The following STK32B variants were observed in gnomAD, a reference collection of about 807,000 sequenced individuals.
STK32B encodes the protein serine/threonine kinase 32B, also known as serine/threonine-protein kinase 32B.
STK32B carries 43 observed loss-of-function variants against 52.6 expected under a neutral mutation model. The ratio of observed to expected loss-of-function variants is 0.82; its 90% confidence interval spans 0.64 to 1.05. The LOEUF (loss-of-function observed/expected upper bound fraction) is 1.05, where lower values mean the gene tolerates loss of function less well. Ranked by LOEUF, STK32B falls within the 50% of genes least tolerant of loss-of-function variation. The pLI is 0.00. For synonymous variants in STK32B, 238 were observed against 204.3 expected (o/e 1.17, Z -1.41); for missense variants, 621 against 534.6 (o/e 1.16, Z -1.59).
chr4:5,245,878 T>C (rs2108824094), intron 3 of STK32B, among the ~76,000 whole-genome samples: 1 of 152,358 alleles, frequency 6.6e-6, no homozygotes, highest in South Asian at 2.1e-4. Flanking sequence ...AATTCTTTTC[T>C]TTAAGAATGT....
At chr4:5,201,002 A>G (rs916177195) in intron 3 of STK32B, among the ~76,000 whole-genome samples, 3 of 152,148 alleles carry the variant, frequency 2.0e-5, no homozygotes, top group Non-Finnish European at 4.4e-5. Flanking sequence ...GCCTCTCAGA[A>G]CCCTGTAAAT....
the STK32B span, among the ~76,000 whole-genome samples, chr4:5,033,045 C>T: frequency 6.6e-6 from 1 of 152,148 alleles, no homozygotes; most frequent in Non-Finnish European, 1.5e-5. Context: ...GAGGCTACTG[C>T]TGGTGTAAGG....
chr4:5,035,657 G>A, the STK32B span, among the ~76,000 whole-genome samples: 1 of 152,124 alleles, frequency 6.6e-6, no homozygotes, highest in African/African-American at 2.4e-5. Context: ...GCTGGGCGAT[G>A]GACTTCCCAG....
At chr4:5,340,079 A>G (rs73794572) in intron 4 of STK32B, among the ~76,000 whole-genome samples, 21 of 152,334 alleles carry the variant, frequency 1.4e-4, no homozygotes, top group Non-Finnish European at 2.6e-4. Context: ...TTTTAAAGCA[A>G]TTAGAAGATT....
intron 3 of STK32B, among the ~76,000 whole-genome samples, chr4:5,281,971 AT>A (rs1210918492): frequency 6.6e-6 from 1 of 152,056 alleles, no homozygotes; most frequent in Admixed American, 6.5e-5. Context: ...TTCATTCTTA[AT>A]TTTTTTATTA....
intron 1 of STK32B, among the ~76,000 whole-genome samples, chr4:5,078,391 A>G (rs1712210941): frequency 6.6e-6 from 1 of 152,202 alleles, no homozygotes. Flanking sequence ...AACAAAAACA[A>G]ACAAAGACTG....
chr4:5,314,733 G>GA (rs1446667870), intron 3 of STK32B, among the ~76,000 whole-genome samples: 1 of 151,934 alleles, frequency 6.6e-6, no homozygotes, highest in East Asian at 1.9e-4. Context: ...AAACTTTTGA[G>GA]AAAAAACATC....
intron 2 of STK32B, among the ~76,000 whole-genome samples, chr4:5,143,914 A>G (rs377093038): frequency 1.4e-4 from 21 of 152,322 alleles, no homozygotes; most frequent in African/African-American, 5.1e-4. Flanking sequence ...TCCACCAGCC[A>G]GGATGTTGTG....
At chr4:5,119,454 A>AC (rs1435129556) in intron 1 of STK32B, among the ~76,000 whole-genome samples, 1 of 152,222 alleles carries the variant, frequency 6.6e-6, no homozygotes, top group Non-Finnish European at 1.5e-5. Context: ...TCTCTTAGCA[A>AC]CCTTCTGAAA....
chr4:5,128,263 T>G (rs563289718), intron 1 of STK32B, among the ~76,000 whole-genome samples: 25 of 152,328 alleles, frequency 1.6e-4, no homozygotes, highest in African/African-American at 5.8e-4. Flanking sequence ...GGTGGTAGCT[T>G]GTTACAACTG....
At chr4:5,151,671 A>T (rs1717378143) in intron 2 of STK32B, among the ~76,000 whole-genome samples, 2 of 152,184 alleles carry the variant, frequency 1.3e-5, no homozygotes. Flanking sequence ...CACCACATTA[A>T]TTTCTATATA....
At chr4:5,239,739 G>T (rs1331380305) in intron 3 of STK32B, among the ~76,000 whole-genome samples, 3 of 151,942 alleles carry the variant, frequency 2.0e-5, no homozygotes, top group African/African-American at 7.3e-5. Context: ...TATTTATATG[G>T]TTATACTAAA....
At chr4:5,336,848 C>T (rs529915832) in intron 4 of STK32B, among the ~76,000 whole-genome samples, 35 of 152,238 alleles carry the variant, frequency 2.3e-4, no homozygotes, top group Admixed American at 9.2e-4. Flanking sequence ...AGAGAGCCTA[C>T]GAAGGGCACG....
At chr4:5,361,118 C>T (rs1734520086) in intron 4 of STK32B, among the ~76,000 whole-genome samples, 1 of 152,188 alleles carries the variant, frequency 6.6e-6, no homozygotes, top group Admixed American at 6.5e-5. Context: ...AACATAATAT[C>T]TGCAAGGTTC....
At chr4:5,190,979 C>T (rs1211264388) in intron 3 of STK32B, among the ~76,000 whole-genome samples, 2 of 152,200 alleles carry the variant, frequency 1.3e-5, no homozygotes, top group Non-Finnish European at 2.9e-5. Context: ...ACACTGCCTG[C>T]ACTTTTCTTC....
At chr4:5,481,605 A>G (rs1718716976) in intron 11 of STK32B, among the ~76,000 whole-genome samples, 1 of 152,084 alleles carries the variant, frequency 6.6e-6, no homozygotes, top group Non-Finnish European at 1.5e-5. Context: ...GCCATTTGTC[A>G]ATTTTGGCTT....
At chr4:5,456,054 G>A (rs555709902) in intron 7 of STK32B, among the ~76,000 whole-genome samples, 2 of 152,266 alleles carry the variant, frequency 1.3e-5, no homozygotes, top group African/African-American at 4.8e-5. Flanking sequence ...GGGGGTTGGG[G>A]CAGGGGGAGC....
chr4:5,101,426 A>G (rs1490993041), intron 1 of STK32B, among the ~76,000 whole-genome samples: 1 of 152,152 alleles, frequency 6.6e-6, no homozygotes, highest in African/African-American at 2.4e-5. Flanking sequence ...ATAAAAGAAA[A>G]TTACTTCTTT....
chr4:5,298,097 G>A (rs552283766), intron 3 of STK32B, among the ~76,000 whole-genome samples: 14 of 152,272 alleles, frequency 9.2e-5, no homozygotes, highest in Non-Finnish European at 2.1e-4. Flanking sequence ...CCATTTGCCT[G>A]GGTATCACCA....
Sources: gnomAD v4.1 joint callset for allele counts (sites outside exome capture counted in the v4.1 genomes callset) on GRCh38, gnomAD v4.1.1 for gene constraint, MANE v1.5 for transcripts, NCBI Gene and HGNC (gene_info 2026-07-23, HGNC 2026-07-21) for gene names.